DCAF17: variants seen among roughly 807,000 people sequenced by gnomAD.
DCAF17 encodes the protein DDB1 and CUL4 associated factor 17.
DCAF17 carries 48 observed loss-of-function variants against 66.0 expected under a neutral mutation model. The observed-to-expected ratio is 0.73, with a 90% CI of 0.58 to 0.92. The LOEUF is 0.92. DCAF17 is among the 40% of genes least tolerant of loss of function. The pLI, the probability that DCAF17 is intolerant of heterozygous loss-of-function variation, is 0.00. For synonymous variants in DCAF17, 206 were observed against 214.6 expected (o/e 0.96, Z 0.35); for missense variants, 562 against 622.8 (o/e 0.90, Z 1.04).
intron 2 of DCAF17, chr2:171,443,303 G>T (rs1294016616): frequency 7.0e-6 from 3 of 429,010 alleles, no homozygotes; most frequent in East Asian, 4.2e-5. Flanking sequence ...GTTAATAAGG[G>T]TTATTTTTGG....
intron 11 of DCAF17, among the ~76,000 whole-genome samples, chr2:171,477,353 G>A (rs1006566485): frequency 6.0e-4 from 91 of 152,064 alleles, no homozygotes; most frequent in African/African-American, 2.2e-3. Flanking sequence ...AAAATTATGG[G>A]GAGAACAATT....
chr2:171,452,973 A>G, intron 5 of DCAF17, 151 bp from the exon 6 acceptor site: 1 of 492,448 alleles, frequency 2.0e-6, no homozygotes, highest in Non-Finnish European at 3.5e-6. Context: ...CCATTTAAGT[A>G]ACTTTGCAAT....
chr2:171,479,955 C>T (rs1559294057), intron 12 of DCAF17, 83 bp from the exon 13 acceptor site: 1 of 1,486,854 alleles, frequency 6.7e-7, no homozygotes, highest in Non-Finnish European at 9.3e-7. Context: ...TAATAGAATA[C>T]TTAAACTATA....
At chr2:171,447,161 G>A (rs965710925) in intron 3 of DCAF17, among the ~76,000 whole-genome samples, 3 of 150,838 alleles carry the variant, frequency 2.0e-5, no homozygotes, top group Admixed American at 6.6e-5. Context: ...ATTTAGTGGT[G>A]TATAATGTGT....
chr2:171,451,712 A>T (rs746475473), intron 5 of DCAF17, among the ~76,000 whole-genome samples: 1 of 152,096 alleles, frequency 6.6e-6, no homozygotes, highest in Non-Finnish European at 1.5e-5. Context: ...AGTAGCTGGG[A>T]CTACAGGCGT....
intron 8 of DCAF17, among the ~76,000 whole-genome samples, chr2:171,467,728 A>T (rs555023452): frequency 1.3e-5 from 1 of 74,252 alleles, no homozygotes; most frequent in Non-Finnish European, 2.8e-5. Context: ...AGACTGTCTC[A>T]AAAAAAAAAA....
chr2:171,455,232 C>G (rs1017449521), intron 6 of DCAF17, among the ~76,000 whole-genome samples: 2 of 152,084 alleles, frequency 1.3e-5, no homozygotes, highest in Non-Finnish European at 2.9e-5. Flanking sequence ...CATTTAACTC[C>G]CACTTACAAG....
At chr2:171,480,443 C>T (rs535518598) in intron 13 of DCAF17, among the ~76,000 whole-genome samples, 2 of 152,218 alleles carry the variant, frequency 1.3e-5, no homozygotes, top group Admixed American at 1.3e-4. Flanking sequence ...TGTCTCTTTC[C>T]CTACCCTAGT....
rs766820600 is a variant in DCAF17 at position 171,484,979 on chromosome 2, G to A, written c.*3865G>A. 1.5e-5 allele frequency: 7 copies of A among 453,862 alleles called. No homozygotes were observed. The highest frequency in any genetic ancestry group is 1.6e-5 in the South Asian group (1 of 64,460). The allele number at this position is 453,862 out of a possible 1,614,324, so 28.1% of individuals were successfully genotyped here. ...TCACAGTTTGTTTTTTTATCTTTCT[G>A]TTGATGGACACTGGGCTCTTTCTGC... is the stretch of plus-strand genomic sequence containing the variant. On this transcript the variant is annotated 3_prime_UTR_variant, in exon 14 of 14. Coordinates refer to ENST00000375255, the MANE Select transcript of DCAF17 (RefSeq NM_025000.4).
At chr2:171,467,649 G>T (rs928166590) in intron 8 of DCAF17, among the ~76,000 whole-genome samples, 1 of 146,220 alleles carries the variant, frequency 6.8e-6, no homozygotes, top group Non-Finnish European at 1.5e-5. Flanking sequence ...AGAATTGCTT[G>T]AACCCAGGAG....
At chr2:171,443,837 T>C (rs1418867940) in intron 3 of DCAF17, among the ~76,000 whole-genome samples, 1 of 152,184 alleles carries the variant, frequency 6.6e-6, no homozygotes, top group Non-Finnish European at 1.5e-5. Flanking sequence ...ATAGATTTTT[T>C]TTAGATCCTG....
At chr2:171,467,334 CTATT>C (rs199782196) in intron 8 of DCAF17, among the ~76,000 whole-genome samples, 2,163 of 152,118 alleles carry the variant, frequency 0.014, 50 homozygotes, top group African/African-American at 0.045. Context: ...TGTTAATTGA[CTATT>C]TATGTTATTG....
At chr2:171,468,639 C>T (rs1399960976) in intron 8 of DCAF17, among the ~76,000 whole-genome samples, 4 of 152,124 alleles carry the variant, frequency 2.6e-5, no homozygotes, top group Non-Finnish European at 4.4e-5. Flanking sequence ...TACTCACCTG[C>T]GGGCCACATA....
rs760726025 is a variant in DCAF17, at chr2:171,482,561, G to T, written c.*1447G>T. 2 of 454,070 alleles carry T rather than the reference G, an allele frequency of 4.4e-6. No homozygotes were observed. The highest frequency in any genetic ancestry group is 4.4e-6 in the Non-Finnish European group (1 of 226,770). The allele number at this position is 454,070 out of a possible 1,614,324, so 28.1% of individuals were successfully genotyped here. On this transcript the variant is annotated 3_prime_UTR_variant, in exon 14 of 14. Transcript: ENST00000375255. ...AGTACTAAAGAAAGAAACCAATGTTGTGTGAGTTTCAAAGCAGCTGCAATG... is the reference window on the plus strand; with the variant it reads ...AGTACTAAAGAAAGAAACCAATGTTTTGTGAGTTTCAAAGCAGCTGCAATG...
intron 3 of DCAF17, chr2:171,447,372 T>G (rs1383617577): frequency 2.7e-6 from 1 of 370,766 alleles, no homozygotes; most frequent in African/African-American, 2.3e-5. Flanking sequence ...TTCTTTCTTT[T>G]TTTCTTTTTT....
intron 6 of DCAF17, among the ~76,000 whole-genome samples, chr2:171,455,151 T>G (rs1440466199): frequency 7.2e-6 from 1 of 138,936 alleles, no homozygotes; most frequent in Non-Finnish European, 1.6e-5. Context: ...CCCTCCACCC[T>G]CCGATAGGCC....
At chr2:171,465,884 T>TA (rs1462768609) in intron 8 of DCAF17, among the ~76,000 whole-genome samples, 2 of 152,224 alleles carry the variant, frequency 1.3e-5, no homozygotes, top group African/African-American at 2.4e-5. Context: ...TGGTTTATCT[T>TA]ACTATTGTTT....
At chr2:171,479,260 A>G (rs1476030075) in intron 12 of DCAF17, among the ~76,000 whole-genome samples, 3 of 152,216 alleles carry the variant, frequency 2.0e-5, no homozygotes. Flanking sequence ...ATTGAGGGAA[A>G]CATGCTATGC....
Position 171,453,282 on chromosome 2 carries a change from A to G in DCAF17, c.627+69A>G, listed in dbSNP as rs573074710. On this transcript the variant is annotated intron_variant, in intron 6 of 13. Coordinates refer to ENST00000375255, the MANE Select transcript of DCAF17 (RefSeq NM_025000.4). ...TAAGTTGTAATGTCATTATTTAATT[A>G]TTTATGAGATATTTGATTGGAAATG... 2.5e-5 allele frequency: 29 copies of G among 1,177,624 alleles called. No homozygotes were observed. In the African/African-American group the frequency reaches 4.3e-4, roughly 17 times the overall value. 72.9% of individuals were successfully genotyped at this position (1,177,624 alleles called of 1,614,324 possible).
Sources: gnomAD v4.1 joint callset for allele counts (sites outside exome capture counted in the v4.1 genomes callset) on GRCh38, gnomAD v4.1.1 for gene constraint, MANE v1.5 for transcripts, NCBI Gene and HGNC (gene_info 2026-07-23, HGNC 2026-07-21) for gene names.